The following DEPDC5 variants were observed in gnomAD, a reference collection of about 807,000 sequenced individuals.
The protein encoded by DEPDC5 is GATOR1 complex protein DEPDC5.
A neutral mutation model predicts 217.3 loss-of-function variants in DEPDC5; 73 were observed. The ratio of observed to expected loss-of-function variants is 0.34; its 90% CI spans 0.28 to 0.41. The LOEUF (loss-of-function observed/expected upper bound fraction) is 0.41. DEPDC5 is among the 10% of genes least tolerant of loss of function. DEPDC5 has a pLI of 1.00. For missense variants in DEPDC5, 1,675 were observed against 2,070.1 expected, an observed-to-expected ratio of 0.81 and a Z score of 3.70; for synonymous variants, 733 against 756.7, an observed-to-expected ratio of 0.97 and a Z score of 0.51.
intron 4 of DEPDC5, among the ~76,000 whole-genome samples, chr22:31,763,562 C>A (rs1224666647): frequency 2.6e-5 from 4 of 151,850 alleles, no homozygotes; most frequent in Non-Finnish European, 5.9e-5. Context: ...CTCCCACCTC[C>A]GCCTCCCGAG....
At chr22:31,781,650 G>A (rs1350607951) in intron 8 of DEPDC5, among the ~76,000 whole-genome samples, 2 of 151,620 alleles carry the variant, frequency 1.3e-5, no homozygotes, top group Admixed American at 1.3e-4. Flanking sequence ...GGCTGGTCTC[G>A]AACTCCTGAC....
chr22:31,822,653 A>G, intron 23 of DEPDC5, 40 bp from the exon 24 acceptor site: 2 of 1,600,408 alleles, frequency 1.2e-6, no homozygotes, highest in Non-Finnish European at 1.7e-6. Flanking sequence ...AGAGGTGATG[A>G]TCTACATTAA....
chr22:31,823,765 A>C (rs1264221771), intron 24 of DEPDC5, among the ~76,000 whole-genome samples: 1 of 152,208 alleles, frequency 6.6e-6, no homozygotes, highest in African/African-American at 2.4e-5. Flanking sequence ...TATATTTTAT[A>C]CATGGGCAAC....
At chr22:31,859,075 C>G (rs1009895789) in intron 32 of DEPDC5, 13 of 98,256 alleles carry the variant, frequency 1.3e-4, no homozygotes, top group Non-Finnish European at 2.8e-4. Context: ...AAAACCATTC[C>G]TTTGTTTTTT....
At chr22:31,880,632 G>A (rs1023998357) in intron 38 of DEPDC5, among the ~76,000 whole-genome samples, 1 of 152,362 alleles carries the variant, frequency 6.6e-6, no homozygotes. Flanking sequence ...GGGCACGGTG[G>A]CCCACGCCTG....
At chr22:31,899,733 G>A (rs1172452767) in intron 40 of DEPDC5, among the ~76,000 whole-genome samples, 1 of 152,096 alleles carries the variant, frequency 6.6e-6, no homozygotes, top group Non-Finnish European at 1.5e-5. Context: ...TCCATCCCAG[G>A]TAGAAAATTC....
chr22:31,791,179 C>T (rs1297305402), intron 10 of DEPDC5, among the ~76,000 whole-genome samples: 1 of 152,160 alleles, frequency 6.6e-6, no homozygotes, highest in Non-Finnish European at 1.5e-5. Flanking sequence ...TCACTTTCCA[C>T]ATTCCTGGCA....
chr22:31,844,941 C>T, intron 29 of DEPDC5, 77 bp from the exon 30 acceptor site: 1 of 1,479,872 alleles, frequency 6.8e-7, no homozygotes, highest in Non-Finnish European at 9.4e-7. Context: ...CACACCAACT[C>T]CACAGAGAGT....
intron 31 of DEPDC5, among the ~76,000 whole-genome samples, chr22:31,854,831 G>T (rs2092206464): frequency 6.6e-6 from 1 of 152,154 alleles, no homozygotes; most frequent in South Asian, 2.1e-4. Flanking sequence ...AGTTTACAGG[G>T]CTAAAGAGCT....
chr22:31,773,959 T>C (rs981635145), intron 7 of DEPDC5, among the ~76,000 whole-genome samples: 1 of 151,984 alleles, frequency 6.6e-6, no homozygotes, highest in Non-Finnish European at 1.5e-5. Context: ...TAATCCCAGC[T>C]ACTCGGGAGG....
intron 6 of DEPDC5, 24 bp from the exon 7 acceptor site, chr22:31,768,790 A>AC (rs768302447): frequency 1.9e-5 from 30 of 1,593,810 alleles, no homozygotes; most frequent in Non-Finnish European, 2.4e-5. Context: ...CCCTCTCTCT[A>AC]CCCCTCTCTC....
rs748674047 is a variant in DEPDC5 at position 31,810,555 on chromosome 22, T to A, written c.1359T>A (p.Leu453=). ...LGSPKESENA[L]PIQVDYDAYD... is the part of the protein sequence containing the mutation. The stretch of plus-strand genomic sequence containing the variant: ...GTCCAAAAGAATCTGAGAACGCCCT[T>A]CCCATCCAAGTAGATTATGACGCCT... The change falls in exon 20 of 43, where the codon CTT becomes CTA. Residue 453 remains leucine, a synonymous_variant. Coordinates refer to ENST00000651528, the MANE Select transcript of DEPDC5 (RefSeq NM_001242896.3). 1.9e-6 allele frequency: 3 copies of A among 1,614,192 alleles called. No homozygotes were observed. In the East Asian group the frequency reaches 6.7e-5, roughly 36 times the overall value.
At chr22:31,815,368 A>G (rs1351767769) in intron 21 of DEPDC5, 156 bp downstream of exon 21, 4 of 700,808 alleles carry the variant, frequency 5.7e-6, no homozygotes, top group Admixed American at 4.7e-5. Context: ...GCTGTTAGCT[A>G]TGTATATATT....
chr22:31,876,060 G>GTGC, intron 36 of DEPDC5, 97 bp from the exon 37 acceptor site: 1 of 1,023,094 alleles, frequency 9.8e-7, no homozygotes, highest in East Asian at 2.4e-5. Context: ...GGTCTCCTCA[G>GTGC]TGCTCCTGTC....
At chr22:31,873,643 A>G (rs1385018651) in intron 35 of DEPDC5, among the ~76,000 whole-genome samples, 1 of 151,752 alleles carries the variant, frequency 6.6e-6, no homozygotes, top group Non-Finnish European at 1.5e-5. Context: ...AAAAGTAGTT[A>G]AGCCACAGGG....
At chr22:31,859,104 T>C (rs1385404123) in intron 32 of DEPDC5, 3 of 144,130 alleles carry the variant, frequency 2.1e-5, no homozygotes, top group Non-Finnish European at 4.5e-5. Flanking sequence ...TTTTTTTTTT[T>C]TTTTGAGACG....
chr22:31,846,761 T>C, intron 30 of DEPDC5, 73 bp from the exon 31 acceptor site: 1 of 1,605,256 alleles, frequency 6.2e-7, no homozygotes, highest in South Asian at 1.1e-5. Flanking sequence ...TGCTGCAGCA[T>C]GCCCTGGGGC....
intron 32 of DEPDC5, 79 bp from the exon 33 acceptor site, chr22:31,861,289 A>T: frequency 7.5e-7 from 1 of 1,326,098 alleles, no homozygotes; most frequent in Non-Finnish European, 1.1e-6. Context: ...CCTTCCCCTG[A>T]TGGTTAACCA....
Position 31,845,247 on chromosome 22 carries a change from C to T in DEPDC5, c.3021+10C>T. 6.2e-7 allele frequency: 1 copy of T among 1,610,858 alleles called. No homozygotes were observed. The highest frequency in any genetic ancestry group is 1.7e-4 in the Middle Eastern group (1 of 6,060). ...GGATCGCATGATGCGGGTAAGGGCT[C>T]CTTAGACTCAGGGAGTGCGCCTGGT... On this transcript the variant is annotated intron_variant, in intron 30 of 42. Transcript: ENST00000651528.
Sources: gnomAD v4.1 joint callset for allele counts (sites outside exome capture counted in the v4.1 genomes callset) on GRCh38, gnomAD v4.1.1 for gene constraint, MANE v1.5 for transcripts, NCBI Gene and HGNC (gene_info 2026-07-23, HGNC 2026-07-21) for gene names.